TG: variants seen among roughly 807,000 people sequenced by gnomAD.
TG encodes thyroglobulin.
TG carries 270 observed loss-of-function variants against 324.7 expected under a neutral mutation model. That is an observed-to-expected ratio of 0.83 (90% CI 0.75 to 0.92). TG has a LOEUF of 0.92. Ranked by LOEUF, TG falls within the 40% of genes least tolerant of loss-of-function variation. The pLI, the probability that TG is intolerant of heterozygous loss-of-function variation, is 0.00. For synonymous variants in TG, 1,401 were observed against 1,327.0 expected, an observed-to-expected ratio of 1.06 and a Z score of -1.21; for missense variants, 3,591 against 3,456.4, an observed-to-expected ratio of 1.04 and a Z score of -0.98.
At chr8:132,963,140 A>G (rs1350118265) in intron 29 of TG, 66 bp downstream of exon 29, 1 of 1,439,380 alleles carries the variant, frequency 6.9e-7, no homozygotes, top group African/African-American at 1.4e-5. Context: ...GGGTGCACCA[A>G]GAGTTTAATC....
chr8:133,014,696 A>G (rs1250387965), intron 37 of TG, among the ~76,000 whole-genome samples: 1 of 152,204 alleles, frequency 6.6e-6, no homozygotes, highest in Non-Finnish European at 1.5e-5. Flanking sequence ...TAGAGCATTG[A>G]CAGTCCTTTG....
chr8:132,964,892 G>T (rs969632749), intron 29 of TG: 1 of 702,296 alleles, frequency 1.4e-6, no homozygotes, highest in East Asian at 2.7e-5. Context: ...GCCAGGAAAG[G>T]TTTCTCGGAG....
chr8:133,126,125 C>T (rs1851497844), intron 45 of TG, among the ~76,000 whole-genome samples: 2 of 152,106 alleles, frequency 1.3e-5, no homozygotes, highest in Admixed American at 1.3e-4. Flanking sequence ...TAACTTTAAA[C>T]ACATAAATCT....
rs536654639 is a variant in TG, at chr8:132,916,881, C to A, written c.4379-2495C>A. Among the ~76,000 whole-genome samples the A allele has an allele frequency of 2.0e-5, 3 of 150,248 alleles. No homozygotes were observed. In the South Asian group the frequency reaches 6.5e-4, roughly 32 times the overall value. On this transcript the variant is annotated intron_variant, in intron 20 of 47. Transcript: ENST00000220616. The stretch of plus-strand genomic sequence containing the variant: ...AACTTTCACTCATTCACTATAATTT[C>A]TTCTAATAGAGCTGGTTCCCTATGG...
At chr8:133,093,105 G>A (rs1847825043) in intron 41 of TG, among the ~76,000 whole-genome samples, 1 of 92,224 alleles carries the variant, frequency 1.1e-5, no homozygotes, top group African/African-American at 3.6e-5. Flanking sequence ...AATATTTTGA[G>A]TGTGTGTGTG....
At chr8:132,973,631 A>G (rs1430424480) in intron 34 of TG, among the ~76,000 whole-genome samples, 1 of 152,168 alleles carries the variant, frequency 6.6e-6, no homozygotes, top group Non-Finnish European at 1.5e-5. Flanking sequence ...ACTCACTATG[A>G]TTCTGTCACC....
chr8:133,011,671 C>T (rs1464763182), intron 35 of TG, among the ~76,000 whole-genome samples: 1 of 152,194 alleles, frequency 6.6e-6, no homozygotes, highest in Admixed American at 6.5e-5. Context: ...TTGTTTCGTT[C>T]TGTTTTCAAC....
In TG at chr8:132,882,463, G is replaced by T. The variant is rs1814780629; in HGVS notation, c.746-6G>T. The T allele has an allele frequency of 6.2e-7, 1 of 1,614,052 alleles. No homozygotes were observed. The highest frequency in any genetic ancestry group is 1.7e-5 in the Admixed American group (1 of 60,012). ...CATCTCTGAAAGTCTTGCTGTCTTT[G>T]CTCAGGTTTGGAGTTGTTACTGGAT... On this transcript the variant is annotated splice_region_variant and splice_polypyrimidine_tract_variant and intron_variant, in intron 6 of 47. Transcript: ENST00000220616.
intron 41 of TG, among the ~76,000 whole-genome samples, chr8:133,056,813 C>T (rs1242907051): frequency 3.3e-5 from 5 of 152,156 alleles, no homozygotes; most frequent in African/African-American, 9.7e-5. Flanking sequence ...TCTCATCTCT[C>T]GTTGTGTGTC....
At chr8:132,930,986 A>C (rs1490791626) in intron 23 of TG, among the ~76,000 whole-genome samples, 1 of 152,208 alleles carries the variant, frequency 6.6e-6, no homozygotes, top group Non-Finnish European at 1.5e-5. Flanking sequence ...GGCATCCAGC[A>C]CTGTGTTAGT....
chr8:132,963,349 CAA>C (rs776378690), intron 29 of TG, among the ~76,000 whole-genome samples: 2 of 152,110 alleles, frequency 1.3e-5, no homozygotes, highest in African/African-American at 2.4e-5. Flanking sequence ...AAAAAAGAAA[CAA>C]AGAGCAAGGT....
chr8:132,935,750 CT>C lies in TG; in HGVS notation c.4933-5del, dbSNP rs1299654487. 1 of 1,609,900 alleles carries C rather than the reference CT, an allele frequency of 6.2e-7. No homozygotes were observed. ...GGATAATAATGCAGCATCTTTCCAT[CT>C]CCAGAAACGAGATGCACTGGGGAAC... On this transcript the variant is annotated splice_polypyrimidine_tract_variant and splice_region_variant and intron_variant, in intron 24 of 47. Transcript: ENST00000220616.
At chr8:133,107,128 CATTTTATTGACCTG>C (rs1342473901) in intron 43 of TG, among the ~76,000 whole-genome samples, 2 of 152,224 alleles carry the variant, frequency 1.3e-5, no homozygotes, top group African/African-American at 2.4e-5. Flanking sequence ...ACATCAACCC[CATTTTATTGACCTG>C]AAATGAAGGC....
intron 43 of TG, chr8:133,102,352 C>T: frequency 1.9e-6 from 1 of 521,952 alleles, no homozygotes; most frequent in Non-Finnish European, 3.5e-6. Flanking sequence ...CACGGAGGGA[C>T]AGGAGTGGAG....
At chr8:133,007,349 T>G (rs1464793020) in intron 35 of TG, among the ~76,000 whole-genome samples, 1 of 152,150 alleles carries the variant, frequency 6.6e-6, no homozygotes, top group Non-Finnish European at 1.5e-5. Flanking sequence ...GGAGTCCTTT[T>G]GTTTCCATTG....
At chr8:133,020,779 C>A (rs954709402) in intron 39 of TG, among the ~76,000 whole-genome samples, 2 of 152,206 alleles carry the variant, frequency 1.3e-5, no homozygotes, top group African/African-American at 4.8e-5. Context: ...CTTATGTTCA[C>A]CATAGCTTCT....
At chr8:132,983,185 A>T (rs943633118) in intron 34 of TG, among the ~76,000 whole-genome samples, 165 bp from the exon 35 acceptor site, 2 of 152,114 alleles carry the variant, frequency 1.3e-5, no homozygotes, top group Non-Finnish European at 1.5e-5. Context: ...ATTGTTTGTT[A>T]GCTCAGCATC....
intron 41 of TG, chr8:133,037,654 G>A (rs62516000): frequency 6.8e-6 from 1 of 146,582 alleles, no homozygotes; most frequent in Non-Finnish European, 1.5e-5. Flanking sequence ...TTTTTTTTTG[G>A]CTTGCCTGAC....
At chr8:132,996,295 C>T (rs1252373015) in intron 35 of TG, among the ~76,000 whole-genome samples, 1 of 152,176 alleles carries the variant, frequency 6.6e-6, no homozygotes, top group Non-Finnish European at 1.5e-5. Flanking sequence ...TCCTATGTGA[C>T]TAATCTATTA....
Sources: allele counts gnomAD v4.1 joint callset (sites outside exome capture counted in the v4.1 genomes callset), GRCh38; gene constraint gnomAD v4.1.1; transcripts MANE v1.5; gene names NCBI Gene and HGNC (gene_info 2026-07-23, HGNC 2026-07-21).